NRXN3: variants seen among roughly 807,000 people sequenced by gnomAD.
NRXN3 encodes neurexin III.
NRXN3 carries 32 observed loss-of-function variants against 137.6 expected under a neutral mutation model. The observed-to-expected ratio is 0.23, with a 90% CI of 0.18 to 0.31. The LOEUF (loss-of-function observed/expected upper bound fraction) is 0.31. Among genes scored for constraint, NRXN3 ranks in the 10% least tolerant of loss-of-function variants. The probability of loss-of-function intolerance (pLI) is 1.00; values close to 1 mark genes in which losing one functional copy is unlikely to be tolerated. For synonymous variants in NRXN3, 798 were observed against 784.5 expected, an observed-to-expected ratio of 1.02 and a Z score of -0.29; for missense variants, 1,574 against 2,062.5, an observed-to-expected ratio of 0.76 and a Z score of 4.59.
intron 4 of NRXN3, chr14:78,526,828 T>C: frequency 2.0e-6 from 1 of 500,462 alleles, no homozygotes; most frequent in South Asian, 1.5e-5. Flanking sequence ...AGAAAGGGGA[T>C]TCATATTTTC....
chr14:79,853,892 A>T, intron 20 of NRXN3: 2 of 992,202 alleles, frequency 2.0e-6, no homozygotes, highest in Non-Finnish European at 2.4e-6. Context: ...TTGGTTTTTC[A>T]ATCATAGCAA....
chr14:78,763,316 T>A (rs1049749735), intron 8 of NRXN3, among the ~76,000 whole-genome samples: 2 of 152,146 alleles, frequency 1.3e-5, no homozygotes, highest in African/African-American at 4.8e-5. Flanking sequence ...CTGCGTGATC[T>A]TGGAGTAATT....
At chr14:78,723,256 T>C (rs546526935) in intron 8 of NRXN3, among the ~76,000 whole-genome samples, 2 of 152,288 alleles carry the variant, frequency 1.3e-5, no homozygotes, top group East Asian at 3.9e-4. Context: ...CCAGTTTGCA[T>C]TGGTATTAAT....
chr14:79,558,715 G>A (rs1265592464), intron 16 of NRXN3, among the ~76,000 whole-genome samples: 4 of 151,992 alleles, frequency 2.6e-5, no homozygotes, highest in Admixed American at 6.6e-5. Context: ...AGGATTTTGG[G>A]AATGGCAAAT....
Position 79,108,221 on chromosome 14 carries a change from T to G in NRXN3, c.3262+120080T>G, listed in dbSNP as rs183198121. On this transcript the variant is annotated intron_variant, in intron 15 of 20. Coordinates refer to ENST00000335750, the MANE Select transcript of NRXN3 (RefSeq NM_001330195.2). ...GGTAGCCCTGTATTTTCAAGGGTGA[T>G]TTTTAGAAAATCCTAATCATTTTTC... 3.7e-3 allele frequency among the ~76,000 whole-genome samples: 566 copies of G among 152,292 alleles called. 2 individuals are homozygous for G. The highest frequency in any genetic ancestry group is 0.013 in the African/African-American group (539 of 41,584).
chr14:78,482,893 G>A (rs912157116), intron 4 of NRXN3, among the ~76,000 whole-genome samples: 2 of 152,106 alleles, frequency 1.3e-5, no homozygotes, highest in African/African-American at 4.8e-5. Flanking sequence ...AATCTGGGTT[G>A]CAGTTCTGAT....
chr14:79,466,161 T>A (rs772518201), intron 15 of NRXN3, among the ~76,000 whole-genome samples: 3 of 152,158 alleles, frequency 2.0e-5, no homozygotes, highest in Non-Finnish European at 4.4e-5. Context: ...CATGTTCAAA[T>A]CTCATTATCC....
intron 15 of NRXN3, among the ~76,000 whole-genome samples, chr14:79,463,769 C>T (rs1284515826): frequency 1.3e-5 from 2 of 152,022 alleles, no homozygotes; most frequent in South Asian, 2.1e-4. Flanking sequence ...ATACTGAACA[C>T]GGTGAGAAAC....
At chr14:79,525,800 G>A (rs1304663619) in intron 16 of NRXN3, among the ~76,000 whole-genome samples, 1 of 152,226 alleles carries the variant, frequency 6.6e-6, no homozygotes, top group Non-Finnish European at 1.5e-5. Context: ...CTAGCAAGAG[G>A]TGCTGGGTTA....
chr14:78,523,547 C>T (rs2096317790), intron 4 of NRXN3, among the ~76,000 whole-genome samples: 1 of 150,042 alleles, frequency 6.7e-6, no homozygotes, highest in African/African-American at 2.5e-5. Flanking sequence ...CGCCTGTAAT[C>T]CCAGCACTTT....
At chr14:79,850,450 C>T (rs2099389292) in intron 20 of NRXN3, among the ~76,000 whole-genome samples, 1 of 152,134 alleles carries the variant, frequency 6.6e-6, no homozygotes, top group Non-Finnish European at 1.5e-5. Context: ...CTTTGGGATT[C>T]TTGAGCTCAA....
intron 1 of NRXN3, among the ~76,000 whole-genome samples, chr14:78,204,469 C>T (rs181840647): frequency 6.6e-6 from 1 of 152,222 alleles, no homozygotes. Context: ...GGATATTTCT[C>T]ACAGTTTTAT....
chr14:79,615,060 G>A (rs1290828685), intron 16 of NRXN3, among the ~76,000 whole-genome samples: 5 of 152,148 alleles, frequency 3.3e-5, no homozygotes, highest in African/African-American at 1.2e-4. Context: ...GGATTGCAGT[G>A]ACAACGGATC....
chr14:79,448,725 G>A (rs1384707957), intron 15 of NRXN3, among the ~76,000 whole-genome samples: 1 of 152,128 alleles, frequency 6.6e-6, no homozygotes, highest in Non-Finnish European at 1.5e-5. Flanking sequence ...ATAGATATGT[G>A]TGTACATGTA....
chr14:79,689,105 A>T (rs1389201047), intron 17 of NRXN3, among the ~76,000 whole-genome samples: 1 of 152,108 alleles, frequency 6.6e-6, no homozygotes, highest in Non-Finnish European at 1.5e-5. Context: ...TAATGATATT[A>T]TGATGTTTAC....
At chr14:78,569,943 G>A (rs1193848369) in intron 4 of NRXN3, among the ~76,000 whole-genome samples, 1 of 152,218 alleles carries the variant, frequency 6.6e-6, no homozygotes, top group Non-Finnish European at 1.5e-5. Context: ...TGATATCCAG[G>A]GGCCACACTG....
chr14:78,566,905 T>C (rs2096841703), intron 4 of NRXN3, among the ~76,000 whole-genome samples: 1 of 152,158 alleles, frequency 6.6e-6, no homozygotes, highest in South Asian at 2.1e-4. Flanking sequence ...AGTGTTTCCC[T>C]AGTGGTTTCA....
chr14:79,710,952 T>G (rs1392905043), intron 19 of NRXN3, among the ~76,000 whole-genome samples: 2 of 152,118 alleles, frequency 1.3e-5, no homozygotes, highest in African/African-American at 4.8e-5. Flanking sequence ...TGCAGCCCAG[T>G]TTTTTACAAA....
intron 20 of NRXN3, among the ~76,000 whole-genome samples, chr14:79,823,091 T>C (rs2099277729): frequency 1.3e-5 from 2 of 152,176 alleles, no homozygotes; most frequent in South Asian, 4.1e-4. Flanking sequence ...AAGTCAAATA[T>C]TATAGTCCCC....
Sources: allele counts gnomAD v4.1 joint callset (sites outside exome capture counted in the v4.1 genomes callset), GRCh38; gene constraint gnomAD v4.1.1; transcripts MANE v1.5; gene names NCBI Gene and HGNC (gene_info 2026-07-23, HGNC 2026-07-21).